COL21A1: variants seen among roughly 807,000 people sequenced by gnomAD.
COL21A1 encodes collagen type XXI alpha 1 chain.
Under a neutral mutation model 137.9 loss-of-function variants are expected in COL21A1, and 149 were observed. That is an observed-to-expected ratio of 1.08 (90% confidence interval 0.95 to 1.24). The LOEUF (loss-of-function observed/expected upper bound fraction) is 1.24, where lower values mean the gene tolerates loss of function less well. Ranked by LOEUF, COL21A1 falls within the 50% of genes most tolerant of loss-of-function variation. The pLI is 0.00. For missense variants in COL21A1, 1,167 were observed against 1,158.4 expected (o/e 1.01, Z -0.11); for synonymous variants, 456 against 391.5 (o/e 1.16, Z -1.95).
chr6:56,081,521 AG>A (rs1227199884), intron 17 of COL21A1, among the ~76,000 whole-genome samples: 2 of 151,474 alleles, frequency 1.3e-5, no homozygotes, highest in Non-Finnish European at 3.0e-5. Flanking sequence ...ATATATTTGT[AG>A]TTGAACCCTG....
At chr6:56,322,654 T>C (rs1001267892) in intron 1 of COL21A1, among the ~76,000 whole-genome samples, 11 of 152,128 alleles carry the variant, frequency 7.2e-5, no homozygotes, top group African/African-American at 2.2e-4. Flanking sequence ...AAGTGAATAC[T>C]AGCCATTTCT....
At chr6:56,370,908 T>C (rs1201953931) in intron 1 of COL21A1, among the ~76,000 whole-genome samples, 1 of 152,166 alleles carries the variant, frequency 6.6e-6, no homozygotes, top group Non-Finnish European at 1.5e-5. Flanking sequence ...GAGCAACAGA[T>C]GAAAATAAAA....
chr6:56,094,692 A>G (rs1769166058), intron 17 of COL21A1, among the ~76,000 whole-genome samples: 1 of 152,200 alleles, frequency 6.6e-6, no homozygotes, highest in South Asian at 2.1e-4. Context: ...ACACATATAC[A>G]TGGCAGAGAT....
chr6:56,388,736 T>A (rs1043411810), intron 1 of COL21A1, among the ~76,000 whole-genome samples: 1 of 152,126 alleles, frequency 6.6e-6, no homozygotes, highest in Admixed American at 6.5e-5. Flanking sequence ...TATTGACAAA[T>A]GTCCACAAGC....
chr6:56,197,739 G>T (rs9475613), intron 1 of COL21A1, among the ~76,000 whole-genome samples: 2,033 of 152,142 alleles, frequency 0.013, 45 homozygotes, highest in African/African-American at 0.046. Context: ...GGGAACACTT[G>T]TACACTGTTG....
chr6:56,261,702 A>G (rs1562029535), intron 1 of COL21A1, among the ~76,000 whole-genome samples: 1 of 152,234 alleles, frequency 6.6e-6, no homozygotes. Flanking sequence ...GGACAAATAC[A>G]GTCAGGTAAT....
At chr6:56,126,049 A>T in intron 13 of COL21A1, 47 bp downstream of exon 13, 1 of 1,161,278 alleles carries the variant, frequency 8.6e-7, no homozygotes, top group South Asian at 1.5e-5. Context: ...TTATATTTGA[A>T]TTAAAAAATG....
intron 1 of COL21A1, among the ~76,000 whole-genome samples, chr6:56,201,618 T>C (rs1283693052): frequency 6.6e-6 from 1 of 152,166 alleles, no homozygotes; most frequent in East Asian, 1.9e-4. Flanking sequence ...TAGTTGTAGA[T>C]ATGCGGCATT....
intron 1 of COL21A1, among the ~76,000 whole-genome samples, chr6:56,272,712 T>A (rs964939737): frequency 6.6e-6 from 1 of 152,084 alleles, no homozygotes; most frequent in Admixed American, 6.5e-5. Context: ...GCTGTTCTCA[T>A]GATAATGAGG....
At chr6:56,167,866 T>C (rs1998700) in intron 6 of COL21A1, among the ~76,000 whole-genome samples, 86,895 of 151,878 alleles carry the variant, frequency 0.57, 25,151 homozygotes, top group East Asian at 0.79. Flanking sequence ...AAATTAATGT[T>C]TCCTAGAAAT....
intron 1 of COL21A1, among the ~76,000 whole-genome samples, chr6:56,256,376 T>C (rs1174767682): frequency 6.6e-6 from 1 of 152,164 alleles, no homozygotes; most frequent in Non-Finnish European, 1.5e-5. Context: ...TCCTTTCAAA[T>C]CCTAACAGAA....
chr6:56,186,526 T>C (rs1158117547), intron 1 of COL21A1, among the ~76,000 whole-genome samples: 1 of 151,992 alleles, frequency 6.6e-6, no homozygotes, highest in East Asian at 1.9e-4. Context: ...AAATGAGAAA[T>C]AAAACATGTA....
intron 1 of COL21A1, chr6:56,276,735 C>T: frequency 7.4e-7 from 1 of 1,353,622 alleles, no homozygotes; most frequent in Non-Finnish European, 1.1e-6. Flanking sequence ...ATAAACAGAA[C>T]TGCCATCAAG....
chr6:56,229,645 T>C (rs1781423772), intron 1 of COL21A1, among the ~76,000 whole-genome samples: 1 of 151,858 alleles, frequency 6.6e-6, no homozygotes, highest in Admixed American at 6.6e-5. Flanking sequence ...CATTCCTCAT[T>C]TTAGGATTGA....
chr6:56,264,234 G>A (rs1041407917), intron 1 of COL21A1, among the ~76,000 whole-genome samples: 5 of 152,024 alleles, frequency 3.3e-5, no homozygotes, highest in Admixed American at 6.6e-5. Flanking sequence ...TTCATAACAC[G>A]TCCATTCCCA....
chr6:56,171,995 G>T (rs891945057), intron 3 of COL21A1, among the ~76,000 whole-genome samples: 1 of 149,920 alleles, frequency 6.7e-6, no homozygotes, highest in East Asian at 2.0e-4. Flanking sequence ...AAAAGGAAGA[G>T]AAAGAGTGAA....
chr6:56,284,564 A>G (rs1225365184), intron 1 of COL21A1, among the ~76,000 whole-genome samples: 1 of 152,052 alleles, frequency 6.6e-6, no homozygotes, highest in East Asian at 1.9e-4. Flanking sequence ...CTCCTGGACT[A>G]GTGCAATAGC....
chr6:56,074,167 C>A, intron 20 of COL21A1, 65 bp downstream of exon 20: 1 of 1,178,154 alleles, frequency 8.5e-7, no homozygotes, highest in Non-Finnish European at 1.2e-6. Flanking sequence ...AAATTTTCAT[C>A]AAAGTTATAA....
At chr6:56,180,852 C>T (rs1410819106) in intron 2 of COL21A1, among the ~76,000 whole-genome samples, 1 of 152,208 alleles carries the variant, frequency 6.6e-6, no homozygotes, top group Non-Finnish European at 1.5e-5. Context: ...TCTGCGCATT[C>T]TGTTAGCCAT....
Sources: allele counts gnomAD v4.1 joint callset (sites outside exome capture counted in the v4.1 genomes callset), GRCh38; gene constraint gnomAD v4.1.1; transcripts MANE v1.5; gene names NCBI Gene and HGNC (gene_info 2026-07-23, HGNC 2026-07-21).